The following NFASC variants were observed in gnomAD, a reference collection of about 807,000 sequenced individuals.
The protein encoded by NFASC is neurofascin homolog.
A neutral mutation model predicts 147.5 loss-of-function variants in NFASC; 43 were observed. The ratio of observed to expected loss-of-function variants is 0.29; its 90% CI spans 0.23 to 0.38. The LOEUF is 0.38. Among genes scored for constraint, NFASC ranks in the 10% least tolerant of loss-of-function variants. The pLI is 1.00. For missense variants in NFASC, 1,320 were observed against 1,689.0 expected (o/e 0.78, Z 3.83); for synonymous variants, 622 against 665.5 (o/e 0.93, Z 1.01).
intron 24 of NFASC, chr1:204,993,833 A>T (rs1255962927): frequency 2.0e-6 from 1 of 512,200 alleles, no homozygotes; most frequent in Non-Finnish European, 3.9e-6. Flanking sequence ...TTGCTCTTCT[A>T]TCCTCTCCTC....
chr1:204,904,298 G>A (rs760655395), intron 1 of NFASC, among the ~76,000 whole-genome samples: 13 of 152,068 alleles, frequency 8.5e-5, no homozygotes, highest in South Asian at 2.1e-4. Context: ...GGGTTTTGCC[G>A]TGTTGCCCAG....
intron 1 of NFASC, among the ~76,000 whole-genome samples, chr1:204,858,500 C>T (rs962944281): frequency 3.3e-5 from 5 of 151,950 alleles, no homozygotes; most frequent in African/African-American, 9.7e-5. Flanking sequence ...ATGATGGCAA[C>T]GAAGAGGGCA....
At chr1:204,947,287 A>C (rs1457975180) in intron 3 of NFASC, 2 of 176,878 alleles carry the variant, frequency 1.1e-5, no homozygotes, top group African/African-American at 4.8e-5. Flanking sequence ...GGCTGTCCTC[A>C]GCAGGTCTCT....
intron 8 of NFASC, chr1:204,962,219 T>C: frequency 7.2e-7 from 1 of 1,394,066 alleles, no homozygotes; most frequent in Non-Finnish European, 1.0e-6. Flanking sequence ...TTTGCCTAAC[T>C]TGACTGATAC....
chr1:204,870,304 G>T (rs903779902), intron 1 of NFASC, among the ~76,000 whole-genome samples: 3 of 152,200 alleles, frequency 2.0e-5, no homozygotes, highest in Non-Finnish European at 2.9e-5. Context: ...GTGGACCAGG[G>T]GACCAAAGTT....
At chr1:204,950,777 G>C (rs531467306) in intron 4 of NFASC, among the ~76,000 whole-genome samples, 1 of 152,146 alleles carries the variant, frequency 6.6e-6, no homozygotes, top group Non-Finnish European at 1.5e-5. Context: ...AGAAGGGCAC[G>C]TGGTAAGAAG....
At position 205,018,001 on chromosome 1, in the gene NFASC, G is replaced by A. The variant is rs555273135; in HGVS notation, c.*1462G>A. On this transcript the variant is annotated 3_prime_UTR_variant, in exon 30 of 30. Coordinates refer to ENST00000339876, the MANE Select transcript of NFASC (RefSeq NM_001005388.3). Reference sequence around the variant, plus strand: ...CTATGCAAGTGTTCCGGCAGGACCAGAAGTGGCCACTCAACACACGTCCTC... The same window carrying A: ...CTATGCAAGTGTTCCGGCAGGACCAAAAGTGGCCACTCAACACACGTCCTC... 6.5e-6 allele frequency: 1 copy of A among 152,866 alleles called. No homozygotes were observed. Among genetic ancestry groups the A allele is most frequent in the Non-Finnish European group, 1.5e-5 (1 of 68,130 alleles). The allele number at this position is 152,866 out of a possible 1,614,324, so 9.5% of individuals were successfully genotyped here.
rs537931083 is a variant in NFASC at position 205,021,053 on chromosome 1, A to C, written c.*4514A>C. The stretch of plus-strand genomic sequence containing the variant: ...AAAATAGAGAGGCCTCAAAACAATG[A>C]AACAAAGAGCTTGATATGTCAAGAG... On this transcript the variant is annotated 3_prime_UTR_variant, in exon 30 of 30. Coordinates refer to ENST00000339876, the MANE Select transcript of NFASC (RefSeq NM_001005388.3). 2.6e-5 allele frequency: 4 copies of C among 152,264 alleles called. No individual in the cohort carries two copies. The highest frequency in any genetic ancestry group is 6.5e-5 in the Admixed American group (1 of 15,296). The allele number at this position is 152,264 out of a possible 1,614,324, so 9.4% of individuals were successfully genotyped here.
At chr1:204,924,284 A>C (rs2091095788) in intron 2 of NFASC, among the ~76,000 whole-genome samples, 1 of 152,236 alleles carries the variant, frequency 6.6e-6, no homozygotes, top group Non-Finnish European at 1.5e-5. Context: ...ATGTAAATGC[A>C]GAAGGCTGCA....
chr1:204,984,384 T>TATATATATATATATATATATACGC (rs2095570199), intron 21 of NFASC: 3 of 36,258 alleles, frequency 8.3e-5, no homozygotes, highest in African/African-American at 2.6e-4. Flanking sequence ...TATATACGCA[T>TATATATATATATATATATATACGC]ATATATATAT....
Position 205,018,435 on chromosome 1 carries a change from C to T in NFASC, c.*1896C>T, listed in dbSNP as rs1026082739. 2.0e-5 allele frequency: 3 copies of T among 152,722 alleles called. No homozygotes were observed. In the East Asian group the frequency reaches 5.8e-4, roughly 29 times the overall value. The allele number at this position is 152,722 out of a possible 1,614,324, so 9.5% of individuals were successfully genotyped here. ...TGAAGGTCAAGCCCATAGACACACACTCTCTGCTGGTAAGAAACCATAGCC... is the reference window on the plus strand; with the variant it reads ...TGAAGGTCAAGCCCATAGACACACATTCTCTGCTGGTAAGAAACCATAGCC... On this transcript the variant is annotated 3_prime_UTR_variant, in exon 30 of 30. Transcript: ENST00000339876.
chr1:204,863,234 AG>A (rs1052701793), intron 1 of NFASC, among the ~76,000 whole-genome samples: 14 of 152,328 alleles, frequency 9.2e-5, no homozygotes, highest in African/African-American at 3.4e-4. Flanking sequence ...CCATCACCAC[AG>A]TAACTCACTC....
chr1:204,912,285 T>G (rs2369426), intron 1 of NFASC, among the ~76,000 whole-genome samples: 65,865 of 151,632 alleles, frequency 0.43, 14,732 homozygotes, highest in Admixed American at 0.55. Flanking sequence ...AACTTCCCCT[T>G]AGCAGTGCTT....
At chr1:204,897,506 T>A (rs1175417739) in intron 1 of NFASC, among the ~76,000 whole-genome samples, 1 of 152,172 alleles carries the variant, frequency 6.6e-6, no homozygotes, top group Admixed American at 6.5e-5. Context: ...ACACAGCTAA[T>A]ACTCACTGGT....
Position 204,968,365 on chromosome 1 carries a change from GTGCGGTT to G in NFASC, c.818+9_818+15del. 6.2e-7 allele frequency: 1 copy of G among 1,611,112 alleles called. No individual in the cohort carries two copies. The highest frequency in any genetic ancestry group is 8.5e-7 in the Non-Finnish European group (1 of 1,177,218). Reference sequence around the variant, plus strand: ...GGAATGCATCGCCTCCGGGGTGTATGTGCGGTTTGCAGCCCCTCTTCTAGCCACCCTC... The same window carrying G: ...GGAATGCATCGCCTCCGGGGTGTATGTGCAGCCCCTCTTCTAGCCACCCTC... On this transcript the variant is annotated splice_donor_region_variant and intron_variant, in intron 9 of 29. Coordinates refer to ENST00000339876, the MANE Select transcript of NFASC (RefSeq NM_001005388.3). This position sits in a 1 kb window ranked among gnomAD's most constrained non-coding sequence, Gnocchi z 5.4.
rs1215759337 is a variant in NFASC, at chr1:204,978,971, G to A, written c.1880G>A (p.Arg627Gln). ...TNRLAALPKG[R>Q]PDRPRDLELT... Reference sequence around the variant, plus strand: ...GCGTGGTGTCTTCTGCCACCAGGACGGCCAGACCGGCCCCGGGACCTGGAG... The same window carrying A: ...GCGTGGTGTCTTCTGCCACCAGGACAGCCAGACCGGCCCCGGGACCTGGAG... Residue 627 changes from arginine (R) to glutamine (Q), a missense_variant, in exon 18 of 30, where the codon CGG becomes CAG. Physicochemically the swap from Arg to Gln is conservative, Grantham distance 43. Around this residue, in one of 3 missense-constraint regions of NFASC, gnomAD observed 981 missense variants for 1,289.5 expected, o/e 0.76. Transcript: ENST00000339876. 6 of 1,552,690 alleles carry A rather than the reference G, an allele frequency of 3.9e-6. No individual in the cohort carries two copies. The highest frequency in any genetic ancestry group is 2.4e-5 in the East Asian group (1 of 41,246).
At chr1:204,836,616 A>G (rs141286503) in intron 1 of NFASC, among the ~76,000 whole-genome samples, 308 of 152,340 alleles carry the variant, frequency 2.0e-3, no homozygotes, top group Non-Finnish European at 3.3e-3. Flanking sequence ...AGATAAATTT[A>G]TATGCAAGAC....
In NFASC at chr1:204,997,316, G is replaced by A. The variant is rs577386291; in HGVS notation, c.2929G>A (p.Val977Ile). 155 of 1,584,840 alleles carry A rather than the reference G, an allele frequency of 9.8e-5. No individual in the cohort carries two copies. The African/African-American group carries it at 1.0e-3, about 10-fold the overall frequency. Residue 977 changes from valine (V) to isoleucine (I), a missense_variant, in exon 25 of 30, where the codon GTC becomes ATC. By Grantham distance (29) the Val-to-Ile change is conservative. Around this residue, in one of 3 missense-constraint regions of NFASC, gnomAD observed 172 missense variants for 165.8 expected, o/e 1.04. Transcript: ENST00000339876. ...APTTIATTTT[V>I]ATTTTTTAAA... ...TACCACCATCGCCACCACCACCACC[G>A]TCGCCACAACTACTACAACCACTGC...
intron 8 of NFASC, among the ~76,000 whole-genome samples, chr1:204,967,680 T>G (rs1366925316): frequency 3.3e-5 from 5 of 152,162 alleles, no homozygotes; most frequent in Non-Finnish European, 7.4e-5. Flanking sequence ...CTGTCATCTC[T>G]GTTCATTAAC....
Sources: allele counts gnomAD v4.1 joint callset (sites outside exome capture counted in the v4.1 genomes callset), GRCh38; gene constraint gnomAD v4.1.1; regional missense constraint gnomAD v4.1.1; non-coding constraint Gnocchi (gnomAD v3.1); transcripts MANE v1.5; gene names NCBI Gene and HGNC (gene_info 2026-07-23, HGNC 2026-07-21).